CNTN4: variants seen among roughly 807,000 people sequenced by gnomAD.
The protein encoded by CNTN4 is contactin-4.
A neutral mutation model predicts 122.5 loss-of-function variants in CNTN4; 77 were observed. That is an observed-to-expected ratio of 0.63 (90% confidence interval 0.52 to 0.76). The LOEUF (loss-of-function observed/expected upper bound fraction) is 0.76. CNTN4 is among the 30% of genes least tolerant of loss of function. The pLI, the probability that CNTN4 is intolerant of heterozygous loss-of-function variation, is 0.00. For missense variants in CNTN4, 1,256 were observed against 1,259.1 expected (o/e 1.00, Z 0.04); for synonymous variants, 512 against 447.0 (o/e 1.15, Z -1.83).
intron 13 of CNTN4, among the ~76,000 whole-genome samples, chr3:2,952,935 C>T (rs2094761367): frequency 6.6e-6 from 1 of 152,174 alleles, no homozygotes. Context: ...TATACTGTAC[C>T]TTGTATAAAT....
At chr3:2,458,399 T>G (rs1347408425) in intron 3 of CNTN4, among the ~76,000 whole-genome samples, 1 of 152,142 alleles carries the variant, frequency 6.6e-6, no homozygotes, top group Non-Finnish European at 1.5e-5. Context: ...TGAGCTAAGC[T>G]TTTACTTGTA....
At position 2,427,546 on chromosome 3, in the gene CNTN4, C is replaced by T. The variant is rs189772915; in HGVS notation, c.-89+88313C>T. Among the ~76,000 whole-genome samples, 35 of 152,216 alleles carry T rather than the reference C, an allele frequency of 2.3e-4. No homozygotes were observed. In the East Asian group the frequency reaches 6.6e-3, roughly 29 times the overall value. On this transcript the variant is annotated intron_variant, in intron 3 of 24. Transcript: ENST00000418658. ...TGTGGTGCTGAGAAGAATGTATATT[C>T]TGTTGATTTGGGGTGGAGAGTTCTG...
chr3:2,311,064 G>A (rs866877838), intron 2 of CNTN4, among the ~76,000 whole-genome samples: 5 of 151,958 alleles, frequency 3.3e-5, no homozygotes, highest in African/African-American at 4.8e-5. Context: ...GAAAATATCC[G>A]AATCAGAAGC....
Position 2,161,718 on chromosome 3 carries a change from A to G in CNTN4, c.-145+61079A>G, listed in dbSNP as rs191182659. ...ACGCTAAGTACGATGAGGACAGAAG[A>G]CATACTTTAAATATGTTAAGTAGTA... On this transcript the variant is annotated intron_variant, in intron 2 of 24. Transcript: ENST00000418658. 2.6e-5 allele frequency among the ~76,000 whole-genome samples: 4 copies of G among 152,318 alleles called. No individual in the cohort carries two copies. The East Asian group carries it at 7.7e-4, about 29-fold the overall frequency.
intron 8 of CNTN4, among the ~76,000 whole-genome samples, chr3:2,878,422 C>T (rs2093869756): frequency 6.6e-6 from 1 of 152,186 alleles, no homozygotes; most frequent in South Asian, 2.1e-4. Context: ...TTCCTCCCTT[C>T]AACAAATCCT....
At position 2,454,031 on chromosome 3, in the gene CNTN4, G is replaced by A. The variant is rs1233879176; in HGVS notation, c.-89+114798G>A. Among the ~76,000 whole-genome samples, 3 of 150,196 alleles carry A rather than the reference G, an allele frequency of 2.0e-5. No individual in the cohort carries two copies. The East Asian group carries it at 5.9e-4, about 30-fold the overall frequency. On this transcript the variant is annotated intron_variant, in intron 3 of 24. Transcript: ENST00000418658. ...TATCCTCAGAATTCTATAGCATTCTGACAGGGTAGATATAATCAGCCCCAT... is the reference window on the plus strand; with the variant it reads ...TATCCTCAGAATTCTATAGCATTCTAACAGGGTAGATATAATCAGCCCCAT...
At chr3:2,357,187 G>A (rs891932761) in intron 3 of CNTN4, among the ~76,000 whole-genome samples, 5 of 152,264 alleles carry the variant, frequency 3.3e-5, no homozygotes, top group South Asian at 4.1e-4. Flanking sequence ...CCCACAAACC[G>A]TACTTAAGTA....
At chr3:2,354,511 G>A (rs1436509443) in intron 3 of CNTN4, among the ~76,000 whole-genome samples, 1 of 152,128 alleles carries the variant, frequency 6.6e-6, no homozygotes, top group Non-Finnish European at 1.5e-5. Flanking sequence ...AGCCTGGGTG[G>A]CAAGAGCGAG....
chr3:2,704,326 A>G (rs1260729362), intron 4 of CNTN4, among the ~76,000 whole-genome samples: 6 of 148,730 alleles, frequency 4.0e-5, no homozygotes, highest in Admixed American at 2.0e-4. Context: ...AAAAAAGTTG[A>G]TCTGGAACAC....
intron 2 of CNTN4, among the ~76,000 whole-genome samples, chr3:2,147,992 A>G (rs1011931209): frequency 1.3e-5 from 2 of 151,918 alleles, no homozygotes; most frequent in African/African-American, 4.8e-5. Flanking sequence ...TCACTCCCAC[A>G]CTACTTCTAT....
intron 2 of CNTN4, among the ~76,000 whole-genome samples, chr3:2,202,988 A>AT (rs1488966072): frequency 1.6e-5 from 2 of 127,326 alleles, no homozygotes; most frequent in Non-Finnish European, 3.6e-5. Context: ...AGCCTGGCTA[A>AT]TTATTTTTTT....
chr3:2,324,289 T>C (rs2874261), intron 2 of CNTN4, among the ~76,000 whole-genome samples: 137,479 of 151,774 alleles, frequency 0.91, 62,682 homozygotes, highest in East Asian at 1. Flanking sequence ...AATAACTGGA[T>C]GTGTCTGCAG....
chr3:2,578,150 A>G (rs1406592043), intron 4 of CNTN4, among the ~76,000 whole-genome samples: 2 of 152,208 alleles, frequency 1.3e-5, no homozygotes, highest in African/African-American at 4.8e-5. Flanking sequence ...AGACAAAAAT[A>G]TATACAAACC....
In CNTN4 at chr3:2,709,288, TA is replaced by T. The variant is rs1394621847; in HGVS notation, c.56-26925del. 1.3e-5 allele frequency among the ~76,000 whole-genome samples: 2 copies of T among 152,224 alleles called. No homozygotes were observed. Among genetic ancestry groups the T allele is most frequent in the Non-Finnish European group, 2.9e-5 (2 of 68,044 alleles). On this transcript the variant is annotated intron_variant, in intron 4 of 24. Coordinates refer to ENST00000418658, the MANE Select transcript of CNTN4 (RefSeq NM_175607.3). The surrounding 1 kb of genome is among the most constrained non-coding windows in gnomAD (Gnocchi z 5.0). ...AAATCTTGAAAGAGACCTGAATTTA[TA>T]ATTAGTACAGTGTGATTCTCAACCT...
At chr3:2,209,253 G>A (rs1043863902) in intron 2 of CNTN4, among the ~76,000 whole-genome samples, 2 of 152,138 alleles carry the variant, frequency 1.3e-5, no homozygotes, top group East Asian at 3.9e-4. Flanking sequence ...AGAAGGTGAG[G>A]ATAGCACAGA....
rs140752659 is a variant in CNTN4, at chr3:2,633,490, C to T, written c.55+61932C>T. On this transcript the variant is annotated intron_variant, in intron 4 of 24. Coordinates refer to ENST00000418658, the MANE Select transcript of CNTN4 (RefSeq NM_175607.3). ...GCATGGTGGACTTTGGGTCCATAAACACATAGGCTTCTCACGTTTATACAG... is the reference window on the plus strand; with the variant it reads ...GCATGGTGGACTTTGGGTCCATAAATACATAGGCTTCTCACGTTTATACAG... Among the ~76,000 whole-genome samples the T allele has an allele frequency of 6.6e-4, 100 of 152,304 alleles. 2 individuals carry two copies. The highest frequency in any genetic ancestry group is 2.4e-3 in the African/African-American group (99 of 41,572).
chr3:2,201,556 A>G (rs2038096862), intron 2 of CNTN4, among the ~76,000 whole-genome samples: 1 of 152,170 alleles, frequency 6.6e-6, no homozygotes, highest in Non-Finnish European at 1.5e-5. Flanking sequence ...AACATTTGCC[A>G]AAGTATTGCT....
chr3:2,556,679 T>C, intron 3 of CNTN4, among the ~76,000 whole-genome samples: 1 of 152,090 alleles, frequency 6.6e-6, no homozygotes, highest in East Asian at 1.9e-4. Flanking sequence ...AATCACATTT[T>C]ATATATGTGT....
chr3:2,169,684 A>T (rs895817001), intron 2 of CNTN4, among the ~76,000 whole-genome samples: 2 of 152,156 alleles, frequency 1.3e-5, no homozygotes, highest in South Asian at 2.1e-4. Flanking sequence ...GGCGTGAGCC[A>T]CCGCGCCCGG....
Sources: gnomAD v4.1 joint callset for allele counts (sites outside exome capture counted in the v4.1 genomes callset) on GRCh38, gnomAD v4.1.1 for gene constraint, Gnocchi (gnomAD v3.1) non-coding constraint, MANE v1.5 for transcripts, NCBI Gene and HGNC (gene_info 2026-07-23, HGNC 2026-07-21) for gene names.